Variants in CALN1 observed in about 807,000 individuals in gnomAD.
CALN1 encodes the protein calneuron 1.
A neutral mutation model predicts 30.6 loss-of-function variants in CALN1; 17 were observed. The ratio of observed to expected loss-of-function variants is 0.56; its 90% confidence interval spans 0.38 to 0.83. The LOEUF is 0.83. Among genes scored for constraint, CALN1 ranks in the 40% least tolerant of loss-of-function variants. The pLI, the probability that CALN1 is intolerant of heterozygous loss-of-function variation, is 0.00. For synonymous variants in CALN1, 156 were observed against 131.4 expected (o/e 1.19, Z -1.28); for missense variants, 291 against 354.9 (o/e 0.82, Z 1.45).
At chr7:72,452,425 C>T in the CALN1 span, among the ~76,000 whole-genome samples, 191 of 152,202 alleles carry the variant, frequency 1.3e-3, 1 homozygote, top group African/African-American at 4.4e-3. Context: ...TGAGTGGATT[C>T]TCACTCTATT....
chr7:72,101,000 G>C (rs1806622213), intron 4 of CALN1, among the ~76,000 whole-genome samples: 1 of 151,564 alleles, frequency 6.6e-6, no homozygotes, highest in African/African-American at 2.4e-5. Context: ...GTCTTGCTTT[G>C]TCACCCAGGC....
chr7:72,338,185 A>G (rs1024627377), intron 2 of CALN1, among the ~76,000 whole-genome samples: 16 of 152,092 alleles, frequency 1.1e-4, no homozygotes, highest in Admixed American at 6.6e-5. Flanking sequence ...CCAATAAAGA[A>G]AGAGCAACAA....
intron 4 of CALN1, among the ~76,000 whole-genome samples, chr7:72,074,087 T>C (rs1056831744): frequency 2.6e-5 from 4 of 152,166 alleles, no homozygotes; most frequent in African/African-American, 9.7e-5. Context: ...GTCTCTGCCC[T>C]GAAGAAACTA....
At chr7:71,924,936 T>C (rs1283118751) in intron 5 of CALN1, among the ~76,000 whole-genome samples, 2 of 152,218 alleles carry the variant, frequency 1.3e-5, no homozygotes, top group East Asian at 1.9e-4. Context: ...AATCAACCTT[T>C]AGATTTACAA....
chr7:72,136,390 G>C (rs1809515087), intron 3 of CALN1, among the ~76,000 whole-genome samples: 1 of 151,874 alleles, frequency 6.6e-6, no homozygotes, highest in African/African-American at 2.4e-5. Flanking sequence ...TCCTCTCTCA[G>C]CCTTCATAGA....
chr7:72,310,006 C>T (rs1324799590), intron 2 of CALN1, among the ~76,000 whole-genome samples: 2 of 152,074 alleles, frequency 1.3e-5, no homozygotes, highest in African/African-American at 4.8e-5. Flanking sequence ...CCAGCATCCC[C>T]CAGGGATGCC....
At chr7:72,040,081 T>C (rs560787935) in intron 4 of CALN1, among the ~76,000 whole-genome samples, 2 of 152,298 alleles carry the variant, frequency 1.3e-5, no homozygotes, top group Admixed American at 6.5e-5. Context: ...TCAAATTGAA[T>C]GAGAAAACAC....
rs772103099 is a variant in CALN1, at chr7:72,403,382, G to T, written c.-13C>A. The T allele has an allele frequency of 1.7e-5, 26 of 1,538,732 alleles. No homozygotes were observed. The highest frequency in any genetic ancestry group is 2.3e-5 in the Non-Finnish European group (26 of 1,142,004). On this transcript the variant is annotated 5_prime_UTR_variant, in exon 2 of 7. Transcript: ENST00000395275. ...CTGGCAGCCGCATCGGGGGTCCAGG[G>T]CGATGTTCTCAGAGAGAGTTAGAAG...
At chr7:71,999,120 G>C (rs1470744766) in intron 5 of CALN1, among the ~76,000 whole-genome samples, 1 of 152,116 alleles carries the variant, frequency 6.6e-6, no homozygotes, top group Non-Finnish European at 1.5e-5. Flanking sequence ...AACAACATAG[G>C]CAGAATGGAA....
At chr7:71,904,962 G>A (rs1000127179) in intron 5 of CALN1, among the ~76,000 whole-genome samples, 8 of 151,856 alleles carry the variant, frequency 5.3e-5, no homozygotes, top group African/African-American at 9.7e-5. Context: ...TTATTGAGAC[G>A]GGGTCTTGCT....
At chr7:72,421,992 G>C (rs1489573006) in intron 1 of CALN1, among the ~76,000 whole-genome samples, 2 of 152,086 alleles carry the variant, frequency 1.3e-5, no homozygotes, top group Non-Finnish European at 2.9e-5. Context: ...GTATTCCATG[G>C]TGTATATATA....
the CALN1 span, among the ~76,000 whole-genome samples, chr7:72,485,643 G>A: frequency 3.3e-5 from 5 of 152,066 alleles, no homozygotes; most frequent in African/African-American, 2.4e-5. Context: ...AGGCCCAGGC[G>A]GCAGACCACC....
chr7:72,445,913 C>T (rs558214508), intron 1 of CALN1, among the ~76,000 whole-genome samples: 4 of 152,156 alleles, frequency 2.6e-5, no homozygotes, highest in Non-Finnish European at 5.9e-5. Flanking sequence ...TGGCTCAGAT[C>T]CCCCTCAAGA....
intron 6 of CALN1, among the ~76,000 whole-genome samples, chr7:71,801,677 T>C (rs189364056): frequency 6.6e-6 from 1 of 152,174 alleles, no homozygotes; most frequent in Admixed American, 6.5e-5. Context: ...CAGTTTTTGC[T>C]GTTAAAACAC....
At chr7:72,170,885 G>C (rs753241328) in intron 3 of CALN1, among the ~76,000 whole-genome samples, 3 of 152,150 alleles carry the variant, frequency 2.0e-5, no homozygotes, top group African/African-American at 4.8e-5. Context: ...AGCCAGGCAT[G>C]GTGGCTCATG....
chr7:72,019,000 C>T (rs1372265681), intron 5 of CALN1, among the ~76,000 whole-genome samples: 1 of 132,014 alleles, frequency 7.6e-6, no homozygotes, highest in East Asian at 2.4e-4. Context: ...CCATATCCAG[C>T]TAATTTTTTT....
At chr7:71,788,874 G>A (rs545122725) in intron 6 of CALN1, among the ~76,000 whole-genome samples, 71 of 151,778 alleles carry the variant, frequency 4.7e-4, no homozygotes, top group African/African-American at 1.7e-3. Context: ...TAGCCAGGAT[G>A]ATCTCGATCT....
chr7:72,340,105 T>C (rs572862686), intron 2 of CALN1, among the ~76,000 whole-genome samples: 3 of 152,196 alleles, frequency 2.0e-5, no homozygotes, highest in Non-Finnish European at 4.4e-5. Flanking sequence ...GTGGTTCTTG[T>C]TCTAAATTTC....
chr7:72,191,552 CA>C (rs55780039), intron 3 of CALN1, among the ~76,000 whole-genome samples: 1,691 of 72,292 alleles, frequency 0.023, 9 homozygotes, highest in African/African-American at 0.078. Flanking sequence ...GACTCCGTCT[CA>C]AAAAAAAAAA....
Sources: allele counts gnomAD v4.1 joint callset (sites outside exome capture counted in the v4.1 genomes callset), GRCh38; gene constraint gnomAD v4.1.1; transcripts MANE v1.5; gene names NCBI Gene and HGNC (gene_info 2026-07-23, HGNC 2026-07-21).